Variants in ARHGEF12 observed in about 807,000 individuals in gnomAD.
ARHGEF12 encodes the protein Rho guanine nucleotide exchange factor 12, also known as KMT2A/ARHGEF12 fusion protein.
In ARHGEF12, 66 loss-of-function variants were observed where a neutral mutation model predicts 211.2. That is an observed-to-expected ratio of 0.31 (90% CI 0.26 to 0.38). ARHGEF12 has a LOEUF of 0.38. ARHGEF12 is among the 10% of genes least tolerant of loss of function. The probability of loss-of-function intolerance (pLI) is 1.00; values close to 1 mark genes in which losing one functional copy is unlikely to be tolerated. For missense variants in ARHGEF12, 1,429 were observed against 1,869.5 expected (o/e 0.76, Z 4.34); for synonymous variants, 592 against 638.4 (o/e 0.93, Z 1.09).
intron 11 of ARHGEF12, among the ~76,000 whole-genome samples, chr11:120,435,253 C>A (rs1159696995): frequency 6.6e-6 from 1 of 151,928 alleles, no homozygotes; most frequent in African/African-American, 2.4e-5. Flanking sequence ...TTCAGTAAAA[C>A]AATCCATTTT....
chr11:120,337,339 G>T, intron 1 of ARHGEF12, 64 bp downstream of exon 1: 1 of 1,610,544 alleles, frequency 6.2e-7, no homozygotes, highest in Non-Finnish European at 8.5e-7. Context: ...AGGGGAGTCG[G>T]TGATTGCAGA....
intron 1 of ARHGEF12, among the ~76,000 whole-genome samples, chr11:120,344,668 A>G (rs1042178276): frequency 6.6e-6 from 1 of 152,200 alleles, no homozygotes; most frequent in African/African-American, 2.4e-5. Context: ...AGAGGTATTT[A>G]AATATTTTGT....
chr11:120,358,339 G>A (rs1030682153), intron 1 of ARHGEF12, among the ~76,000 whole-genome samples: 2 of 152,132 alleles, frequency 1.3e-5, no homozygotes, highest in Non-Finnish European at 2.9e-5. Flanking sequence ...GTCAAAGTGT[G>A]GGGCTTTCTG....
chr11:120,442,823 C>T (rs984798729), intron 15 of ARHGEF12, among the ~76,000 whole-genome samples: 10 of 151,994 alleles, frequency 6.6e-5, no homozygotes, highest in African/African-American at 1.9e-4. Flanking sequence ...TTCCCTTAGA[C>T]GACTGCCTCA....
intron 1 of ARHGEF12, among the ~76,000 whole-genome samples, chr11:120,374,042 G>C (rs1393618947): frequency 2.0e-5 from 3 of 152,096 alleles, no homozygotes; most frequent in Non-Finnish European, 2.9e-5. Context: ...CCCGACCTCA[G>C]GTGATCCGCC....
chr11:120,411,294 G>T (rs1337269155), intron 4 of ARHGEF12: 1 of 152,124 alleles, frequency 6.6e-6, no homozygotes, highest in African/African-American at 2.4e-5. Flanking sequence ...GCATGCTAAC[G>T]TAAATCTCTT....
At position 120,363,961 on chromosome 11, in the gene ARHGEF12, T is replaced by C. The variant is rs142981052; in HGVS notation, c.32+26686T>C. ...AGCTTTGCCTGTGATATTCACTTGT[T>C]TGGGGGGCTGTTTGGAGACAGGGTC... On this transcript the variant is annotated intron_variant, in intron 1 of 40. Coordinates refer to ENST00000397843, the MANE Select transcript of ARHGEF12 (RefSeq NM_015313.3). Among the ~76,000 whole-genome samples the C allele has an allele frequency of 2.6e-3, 398 of 152,306 alleles. 5 individuals carry two copies. Among genetic ancestry groups the C allele is most frequent in the Admixed American group, 0.02 (305 of 15,292 alleles).
intron 1 of ARHGEF12, among the ~76,000 whole-genome samples, chr11:120,382,811 T>C (rs901827109): frequency 1.2e-4 from 18 of 152,086 alleles, no homozygotes; most frequent in Non-Finnish European, 2.5e-4. Context: ...TCTGAAAGCA[T>C]TGGGGTTTGG....
rs570800253 is a variant in ARHGEF12 at position 120,478,452 on chromosome 11, A to G, written c.3766+63A>G. The G allele has an allele frequency of 2.8e-6, 4 of 1,404,156 alleles. No individual in the cohort carries two copies. In the East Asian group the frequency reaches 7.1e-5, roughly 25 times the overall value. The allele number at this position is 1,404,156 out of a possible 1,614,324, so 87.0% of individuals were successfully genotyped here. A position where few individuals can be genotyped will look rare whatever the true frequency, so the allele number is the denominator to read the frequency against. On this transcript the variant is annotated intron_variant, in intron 37 of 40. Transcript: ENST00000397843. ...AGTATGACACTCATGTGCCATCCCTAAAGTATGTGGATTTATCAAACTCCA... is the reference window on the plus strand; with the variant it reads ...AGTATGACACTCATGTGCCATCCCTGAAGTATGTGGATTTATCAAACTCCA...
chr11:120,460,417 A>T (rs990935586), intron 26 of ARHGEF12, among the ~76,000 whole-genome samples: 1 of 152,144 alleles, frequency 6.6e-6, no homozygotes, highest in Admixed American at 6.5e-5. Flanking sequence ...TTCAATGAAT[A>T]TTTGATGCAA....
At chr11:120,403,391 C>T (rs1051002049) in intron 1 of ARHGEF12, among the ~76,000 whole-genome samples, 1 of 152,012 alleles carries the variant, frequency 6.6e-6, no homozygotes, top group Non-Finnish European at 1.5e-5. Context: ...GCTGTAACCC[C>T]AGCTACTCGG....
intron 22 of ARHGEF12, 130 bp downstream of exon 22, chr11:120,451,854 C>T (rs528465655): frequency 3.6e-6 from 3 of 831,124 alleles, no homozygotes; most frequent in Non-Finnish European, 5.5e-6. Flanking sequence ...TTTTAATATG[C>T]TACAACCAAT....
In ARHGEF12 at chr11:120,366,173, T is replaced by G. The variant is rs566576815; in HGVS notation, c.32+28898T>G. Among the ~76,000 whole-genome samples, 4 of 152,180 alleles carry G rather than the reference T, an allele frequency of 2.6e-5. No homozygotes were observed. The South Asian group carries it at 6.2e-4, about 24-fold the overall frequency. On this transcript the variant is annotated intron_variant, in intron 1 of 40. Transcript: ENST00000397843. Reference sequence around the variant, plus strand: ...TGGGAGGCTGAGGTGGAAGGATTGCTTGAGCCCAGGAGTATCAGGCTGCAG... The same window carrying G: ...TGGGAGGCTGAGGTGGAAGGATTGCGTGAGCCCAGGAGTATCAGGCTGCAG...
At chr11:120,419,631 A>G (rs187634483) in intron 4 of ARHGEF12, among the ~76,000 whole-genome samples, 1 of 151,838 alleles carries the variant, frequency 6.6e-6, no homozygotes, top group Admixed American at 6.6e-5. Flanking sequence ...CACTGTGTGT[A>G]TATATATATA....
At chr11:120,449,804 C>G (rs921057656) in intron 21 of ARHGEF12, 1 of 150,724 alleles carries the variant, frequency 6.6e-6, no homozygotes, top group Non-Finnish European at 1.5e-5. Flanking sequence ...TCTTCTGATT[C>G]TGTTTCCATT....
intron 6 of ARHGEF12, among the ~76,000 whole-genome samples, chr11:120,423,240 G>A (rs1199790163): frequency 6.6e-6 from 1 of 152,104 alleles, no homozygotes; most frequent in African/African-American, 2.4e-5. Context: ...TTAAAGATTG[G>A]TAATACACAT....
At chr11:120,371,390 A>G (rs1943585165) in intron 1 of ARHGEF12, among the ~76,000 whole-genome samples, 1 of 152,216 alleles carries the variant, frequency 6.6e-6, no homozygotes, top group Admixed American at 6.5e-5. Flanking sequence ...CGGGAGGCTG[A>G]GGCAGGAGAA....
intron 1 of ARHGEF12, among the ~76,000 whole-genome samples, chr11:120,367,914 G>A (rs917428867): frequency 6.6e-6 from 1 of 152,152 alleles, no homozygotes; most frequent in African/African-American, 2.4e-5. Flanking sequence ...TGAGGAGGTT[G>A]AAGCTGCAGT....
chr11:120,451,813 G>A, intron 22 of ARHGEF12, 89 bp downstream of exon 22: 2 of 1,186,322 alleles, frequency 1.7e-6, no homozygotes, highest in East Asian at 2.5e-5. Flanking sequence ...AGTTAATCAA[G>A]ACTAAATCCC....
Sources: gnomAD v4.1 joint callset for allele counts (sites outside exome capture counted in the v4.1 genomes callset) on GRCh38, gnomAD v4.1.1 for gene constraint, MANE v1.5 for transcripts, NCBI Gene and HGNC (gene_info 2026-07-23, HGNC 2026-07-21) for gene names.